The following DLC1 variants were observed in gnomAD, a reference collection of about 807,000 sequenced individuals.
DLC1 encodes the protein rho GTPase-activating protein 7.
In DLC1, 54 loss-of-function variants were observed where a neutral mutation model predicts 140.3. That is an observed-to-expected ratio of 0.38 (90% CI 0.31 to 0.48). The LOEUF (loss-of-function observed/expected upper bound fraction) is 0.48, where lower values mean the gene tolerates loss of function less well. Among genes scored for constraint, DLC1 ranks in the 20% least tolerant of loss-of-function variants. The pLI is 0.96. For missense variants in DLC1, 2,536 were observed against 1,907.0 expected, an observed-to-expected ratio of 1.33 and a Z score of -6.14; for synonymous variants, 986 against 728.1, an observed-to-expected ratio of 1.35 and a Z score of -5.70.
At chr8:13,204,845 T>C (rs1563162866) in intron 5 of DLC1, among the ~76,000 whole-genome samples, 1 of 152,204 alleles carries the variant, frequency 6.6e-6, no homozygotes, top group Non-Finnish European at 1.5e-5. Context: ...ATGGGAATGC[T>C]TGTGGTCAGA....
intron 5 of DLC1, among the ~76,000 whole-genome samples, chr8:13,123,658 C>G (rs1563645165): frequency 6.6e-6 from 1 of 152,078 alleles, no homozygotes; most frequent in African/African-American, 2.4e-5. Flanking sequence ...GGCCCTCTCT[C>G]CCTCTTTTCC....
intron 15 of DLC1, among the ~76,000 whole-genome samples, chr8:13,089,299 T>C (rs1218558815): frequency 7.1e-6 from 1 of 140,564 alleles, no homozygotes; most frequent in African/African-American, 2.6e-5. Context: ...TTTTTTTTTT[T>C]CTGGGACCTA....
intron 4 of DLC1, among the ~76,000 whole-genome samples, chr8:13,368,547 GA>G (rs899419016): frequency 6.8e-5 from 10 of 147,802 alleles, no homozygotes; most frequent in South Asian, 4.3e-4. Flanking sequence ...TTTCTGCATA[GA>G]AAAAAAAGTT....
At chr8:13,343,945 C>G (rs1036482788) in intron 4 of DLC1, among the ~76,000 whole-genome samples, 11 of 152,240 alleles carry the variant, frequency 7.2e-5, no homozygotes, top group East Asian at 3.9e-4. Context: ...TTTCCAGAAT[C>G]AAGGCATCAG....
chr8:13,425,171 A>G (rs1309856907), intron 2 of DLC1, among the ~76,000 whole-genome samples: 1 of 152,102 alleles, frequency 6.6e-6, no homozygotes, highest in African/African-American at 2.4e-5. Context: ...CAAGCTCCAT[A>G]GATGCACGAG....
intron 5 of DLC1, among the ~76,000 whole-genome samples, chr8:13,296,312 A>G (rs551580700): frequency 1.3e-5 from 2 of 152,230 alleles, no homozygotes; most frequent in East Asian, 1.9e-4. Flanking sequence ...TGGATACAAA[A>G]GGGCCCTTTC....
chr8:13,089,006 C>T (rs1817809011), intron 15 of DLC1, among the ~76,000 whole-genome samples: 1 of 152,092 alleles, frequency 6.6e-6, no homozygotes. Flanking sequence ...TTCCTGTAAT[C>T]CCAGCACTTT....
chr8:13,558,806 G>C (rs1804143605), intron 1 of DLC1: 1 of 152,086 alleles, frequency 6.6e-6, no homozygotes, highest in African/African-American at 2.4e-5. Context: ...TCTGTTCTTA[G>C]AATGTTAACT....
intron 5 of DLC1, among the ~76,000 whole-genome samples, chr8:13,228,277 G>T (rs1384316061): frequency 1.3e-5 from 2 of 150,056 alleles, no homozygotes; most frequent in Non-Finnish European, 3.0e-5. Context: ...TTCTTTTTAA[G>T]GAGTTTCCCA....
intron 2 of DLC1, among the ~76,000 whole-genome samples, chr8:13,411,559 A>G (rs1427286241): frequency 2.6e-5 from 4 of 152,220 alleles, no homozygotes; most frequent in African/African-American, 4.8e-5. Context: ...TGATACTGAC[A>G]TGTCATTGTA....
At chr8:13,262,533 G>A (rs968815594) in intron 5 of DLC1, among the ~76,000 whole-genome samples, 1 of 152,090 alleles carries the variant, frequency 6.6e-6, no homozygotes, top group Non-Finnish European at 1.5e-5. Context: ...GAAACTATGT[G>A]GAGTTGATTG....
chr8:13,264,757 G>T (rs569300499), intron 5 of DLC1, among the ~76,000 whole-genome samples: 4 of 152,146 alleles, frequency 2.6e-5, no homozygotes, highest in Non-Finnish European at 5.9e-5. Context: ...ACCATCTAAA[G>T]ATATTTTTTG....
At position 13,500,093 on chromosome 8, in the gene DLC1, A is replaced by G. The variant is rs1407621103; in HGVS notation, c.-22T>C. 1 of 1,591,308 alleles carries G rather than the reference A, an allele frequency of 6.3e-7. No homozygotes were observed. Among genetic ancestry groups the G allele is most frequent in the Non-Finnish European group, 8.6e-7 (1 of 1,162,498 alleles). On this transcript the variant is annotated 5_prime_UTR_variant, in exon 2 of 18. Transcript: ENST00000276297. ...ACATGTCATCGTAGTTTAACAACAG[A>G]CAGAGAGATATATTCCATATGAGGG...
chr8:13,498,838 A>G (rs1801634236), intron 2 of DLC1: 2 of 535,782 alleles, frequency 3.7e-6, no homozygotes, highest in Non-Finnish European at 6.3e-6. Context: ...AAACCATTAT[A>G]CACATTATTA....
At chr8:13,601,189 A>G (rs983732720) in intron 1 of DLC1, among the ~76,000 whole-genome samples, 3 of 151,818 alleles carry the variant, frequency 2.0e-5, no homozygotes, top group Admixed American at 1.3e-4. Context: ...CTAATACAAT[A>G]AGGCTCAGTC....
intron 2 of DLC1, among the ~76,000 whole-genome samples, chr8:13,495,919 A>G (rs1801479366): frequency 6.6e-6 from 1 of 152,204 alleles, no homozygotes; most frequent in Non-Finnish European, 1.5e-5. Flanking sequence ...AAAGAAATCA[A>G]TGTGCACAAA....
intron 5 of DLC1, among the ~76,000 whole-genome samples, chr8:13,153,287 G>A (rs1466221878): frequency 1.3e-5 from 2 of 152,114 alleles, no homozygotes; most frequent in South Asian, 4.1e-4. Flanking sequence ...CAGCCCTTAA[G>A]GTGGCGCGTC....
At chr8:13,485,846 A>G (rs1800946301) in intron 2 of DLC1, among the ~76,000 whole-genome samples, 1 of 152,208 alleles carries the variant, frequency 6.6e-6, no homozygotes, top group Non-Finnish European at 1.5e-5. Context: ...ACAACTTAGC[A>G]TGCTTTTTGT....
intron 4 of DLC1, among the ~76,000 whole-genome samples, chr8:13,330,774 G>T (rs529429293): frequency 6.6e-6 from 1 of 152,212 alleles, no homozygotes; most frequent in Admixed American, 6.5e-5. Flanking sequence ...TTTTAATCTT[G>T]TTTACTTGTT....
Sources: allele counts gnomAD v4.1 joint callset (sites outside exome capture counted in the v4.1 genomes callset), GRCh38; gene constraint gnomAD v4.1.1; transcripts MANE v1.5; gene names NCBI Gene and HGNC (gene_info 2026-07-23, HGNC 2026-07-21).